The following PCDHGA7 variants were observed in gnomAD, a reference collection of about 807,000 sequenced individuals.
PCDHGA7 encodes protocadherin gamma-A7.
Under a neutral mutation model 58.3 loss-of-function variants are expected in PCDHGA7, and 44 were observed. The observed-to-expected ratio is 0.75, with a 90% confidence interval of 0.59 to 0.97. The LOEUF (loss-of-function observed/expected upper bound fraction) is 0.97, where lower values mean the gene tolerates loss of function less well. PCDHGA7 is among the 50% of genes least tolerant of loss of function. The probability of loss-of-function intolerance (pLI) is 0.00; values close to 1 mark genes in which losing one functional copy is unlikely to be tolerated. For missense variants in PCDHGA7, 1,266 were observed against 1,188.7 expected (o/e 1.06, Z -0.96); for synonymous variants, 516 against 504.2 (o/e 1.02, Z -0.31).
chr5:141,487,361 A>C lies in PCDHGA7; in HGVS notation c.2425-7446A>C. On this transcript the variant is annotated intron_variant, in intron 1 of 3. Transcript: ENST00000518325. This position sits in a 1 kb window ranked among gnomAD's most constrained non-coding sequence, Gnocchi z 5.0. ...TGGAGTCACATGCTTTCCTGCTGGC[A>C]CCTGTGCCTGTCTCACCAGATCTCG... The C allele has an allele frequency of 1.2e-6, 2 of 1,613,834 alleles. No individual in the cohort carries two copies. Among genetic ancestry groups the C allele is most frequent in the East Asian group, 2.2e-5 (1 of 44,860 alleles).
chr5:141,497,825 C>T (rs1015168533), intron 2 of PCDHGA7, among the ~76,000 whole-genome samples: 3 of 152,154 alleles, frequency 2.0e-5, no homozygotes, highest in Admixed American at 6.5e-5. Context: ...CAGGTGTGAT[C>T]GCCCCCGGCC....
rs1471863168 is a variant in PCDHGA7, at chr5:141,476,550, G to A, written c.2425-18257G>A. ...ACCCAGGAAATGAAATTGGAGATTA[G>A]CGAGGCCGTGGCTCCGGGGACGCGC... On this transcript the variant is annotated intron_variant, in intron 1 of 3. Transcript: ENST00000518325. The surrounding 1 kb of genome is among the most constrained non-coding windows in gnomAD (Gnocchi z 7.6). 1.2e-6 allele frequency: 2 copies of A among 1,614,110 alleles called. No individual in the cohort carries two copies. The highest frequency in any genetic ancestry group is 4.5e-5 in the East Asian group (2 of 44,884).
chr5:141,388,747 C>T (rs1434278785), intron 1 of PCDHGA7: 2 of 1,613,862 alleles, frequency 1.2e-6, no homozygotes, highest in African/African-American at 1.3e-5. Context: ...AGCCAGATCA[C>T]CCAATTTGAC....
In PCDHGA7 at chr5:141,383,093, G is replaced by T. The variant is rs1778804581; in HGVS notation, c.194G>T (p.Arg65Leu). ...EPRELAERGV[R>L]IISRGRTQLF... Reference sequence around the variant, plus strand: ...CGGGAGCTGGCGGAGCGCGGAGTCCGCATCATCTCCAGAGGTAGGACGCAG... The same window carrying T: ...CGGGAGCTGGCGGAGCGCGGAGTCCTCATCATCTCCAGAGGTAGGACGCAG... The change falls in exon 1 of 4, where the codon CGC becomes CTC. Residue 65 changes from arginine to leucine, a missense_variant. Arg to Leu is a moderately radical substitution (Grantham distance 102). Transcript: ENST00000518325. The T allele has an allele frequency of 1.2e-5, 20 of 1,613,930 alleles. No homozygotes were observed. The highest frequency in any genetic ancestry group is 1.7e-5 in the Non-Finnish European group (20 of 1,179,892).
In PCDHGA7 at chr5:141,384,575, C is replaced by A. The variant is rs754018989; in HGVS notation, c.1676C>A (p.Pro559Gln). The A allele has an allele frequency of 1.9e-6, 3 of 1,614,258 alleles. No homozygotes were observed. The highest frequency in any genetic ancestry group is 2.5e-6 in the Non-Finnish European group (3 of 1,180,046). Residue 559 changes from proline (P) to glutamine (Q), a missense_variant, in exon 1 of 4, where the codon CCG becomes CAG. By Grantham distance (76) the Pro-to-Gln change is moderately conservative. Transcript: ENST00000518325. ...SLFVLDQNDNPPEILYPALPT... is the reference protein window; with the variant it reads ...SLFVLDQNDNQPEILYPALPT... ...TTCGTGCTGGACCAGAATGACAACCCGCCCGAGATCCTGTACCCGGCCCTC... is the reference window on the plus strand; with the variant it reads ...TTCGTGCTGGACCAGAATGACAACCAGCCCGAGATCCTGTACCCGGCCCTC...
Position 141,511,178 on chromosome 5 carries a change from G to A in PCDHGA7, c.*5G>A. The A allele has an allele frequency of 6.2e-7, 1 of 1,614,090 alleles. No homozygotes were observed. Among genetic ancestry groups the A allele is most frequent in the South Asian group, 1.1e-5 (1 of 91,074 alleles). On this transcript the variant is annotated 3_prime_UTR_variant, in exon 4 of 4. Coordinates refer to ENST00000518325, the MANE Select transcript of PCDHGA7 (RefSeq NM_018920.4). ...GGCAAGAAGGAGAAGAAGTAACATG[G>A]AGGCCAGGCCAAGAGCCACAGGGCG...
At chr5:141,402,796 A>C in intron 1 of PCDHGA7, 1 of 1,040,680 alleles carries the variant, frequency 9.6e-7, no homozygotes, top group South Asian at 2.0e-5. Flanking sequence ...GGCTACACAA[A>C]ACCCGGCAGA....
At chr5:141,390,339 C>A in intron 1 of PCDHGA7, 2 of 1,591,234 alleles carry the variant, frequency 1.3e-6, no homozygotes, top group Non-Finnish European at 1.7e-6. Flanking sequence ...TCCATATTCA[C>A]AAGAAAATAT....
In PCDHGA7 at chr5:141,385,180, G is replaced by A. The variant is rs200338637; in HGVS notation, c.2281G>A (p.Ala761Thr). The change falls in exon 1 of 4, where the codon GCG becomes ACG. Residue 761 changes from alanine to threonine, a missense_variant. By Grantham distance (58) the Ala-to-Thr change is moderately conservative (BLOSUM62 0). Coordinates refer to ENST00000518325, the MANE Select transcript of PCDHGA7 (RefSeq NM_018920.4). ...QTYSHEVSLT[A>T]DSRKSHLIFP... is the part of the protein sequence containing the mutation. ...CTATTCCCATGAGGTCTCCCTCACC[G>A]CGGACTCTCGGAAGAGTCACCTGAT... The A allele has an allele frequency of 2.4e-4, 390 of 1,614,178 alleles. 1 individual carries two copies. The highest frequency in any genetic ancestry group is 3.1e-4 in the Non-Finnish European group (365 of 1,180,034).
At position 141,476,112 on chromosome 5, in the gene PCDHGA7, G is replaced by A. The variant is rs1201449171; in HGVS notation, c.2425-18695G>A. 2.5e-6 allele frequency: 4 copies of A among 1,590,646 alleles called. No homozygotes were observed. Among genetic ancestry groups the A allele is most frequent in the Non-Finnish European group, 2.6e-6 (3 of 1,170,830 alleles). ...CCCCGCTGAGAGGAACTGCTTTTGA[G>A]TGAGATGGTCCCAGAGGCCTGGAGG... On this transcript the variant is annotated intron_variant, in intron 1 of 3. Transcript: ENST00000518325. The surrounding 1 kb of genome is among the most constrained non-coding windows in gnomAD (Gnocchi z 7.6).
Position 141,489,606 on chromosome 5 carries a change from G to A in PCDHGA7, c.2425-5201G>A. The stretch of plus-strand genomic sequence containing the variant: ...TGGAGCTAATCCGTGTAGAGGTAGA[G>A]ATCCTGGATCTCAATGACAACTCTC... On this transcript the variant is annotated intron_variant, in intron 1 of 3. Coordinates refer to ENST00000518325, the MANE Select transcript of PCDHGA7 (RefSeq NM_018920.4). This position sits in a 1 kb window ranked among gnomAD's most constrained non-coding sequence, Gnocchi z 4.5. The A allele has an allele frequency of 6.2e-7, 1 of 1,614,110 alleles. No homozygotes were observed.
In PCDHGA7 at chr5:141,477,147, A is replaced by G. The variant is rs1195888163; in HGVS notation, c.2425-17660A>G. On this transcript the variant is annotated intron_variant, in intron 1 of 3. Coordinates refer to ENST00000518325, the MANE Select transcript of PCDHGA7 (RefSeq NM_018920.4). The surrounding 1 kb of genome is among the most constrained non-coding windows in gnomAD (Gnocchi z 4.9). The stretch of plus-strand genomic sequence containing the variant: ...TGCAAAGTGTTGGTGGAGGTTGTGG[A>G]TGTGAATGACAACGCCCCGGAGATC... 2 of 1,614,168 alleles carry G rather than the reference A, an allele frequency of 1.2e-6. No individual in the cohort carries two copies. The highest frequency in any genetic ancestry group is 1.1e-5 in the South Asian group (1 of 91,080).
chr5:141,409,502 T>C, intron 1 of PCDHGA7: 2 of 1,613,986 alleles, frequency 1.2e-6, no homozygotes, highest in South Asian at 1.1e-5. Flanking sequence ...GCCTCTTTCT[T>C]CCAGTAGAAG....
At chr5:141,391,890 G>A (rs2092437971) in intron 1 of PCDHGA7, 1 of 152,182 alleles carries the variant, frequency 6.6e-6, no homozygotes, top group Non-Finnish European at 1.5e-5. Context: ...AAAGGGATGG[G>A]ATGGAGCTTT....
intron 1 of PCDHGA7, among the ~76,000 whole-genome samples, chr5:141,467,404 C>T (rs1032912609): frequency 1.3e-5 from 2 of 151,864 alleles, no homozygotes; most frequent in African/African-American, 4.8e-5. Context: ...AGTTAGAAAG[C>T]CTTTCCCCAC....
intron 1 of PCDHGA7, among the ~76,000 whole-genome samples, chr5:141,462,459 CTG>C (rs2099040203): frequency 6.6e-6 from 1 of 152,010 alleles, no homozygotes; most frequent in African/African-American, 2.4e-5. Flanking sequence ...TAACTGAAAA[CTG>C]TGTATTCTGC....
intron 3 of PCDHGA7, among the ~76,000 whole-genome samples, chr5:141,510,194 G>T (rs920127442): frequency 6.6e-6 from 1 of 151,462 alleles, no homozygotes. Context: ...AATCACTTGA[G>T]CCCAGGAGGC....
At chr5:141,483,187 GTTT>G (rs899657161) in intron 1 of PCDHGA7, among the ~76,000 whole-genome samples, 2 of 152,172 alleles carry the variant, frequency 1.3e-5, no homozygotes, top group African/African-American at 4.8e-5. Flanking sequence ...AAGCCAAGGA[GTTT>G]TTATTTTATT....
At chr5:141,435,510 T>C (rs72790047) in intron 1 of PCDHGA7, among the ~76,000 whole-genome samples, 9,714 of 152,280 alleles carry the variant, frequency 0.064, 363 homozygotes, top group African/African-American at 0.099. Context: ...ATGATACTAA[T>C]GATGACTTTG....
Sources: gnomAD v4.1 joint callset for allele counts (sites outside exome capture counted in the v4.1 genomes callset) on GRCh38, gnomAD v4.1.1 for gene constraint, Gnocchi (gnomAD v3.1) non-coding constraint, MANE v1.5 for transcripts, NCBI Gene and HGNC (gene_info 2026-07-23, HGNC 2026-07-21) for gene names.